The following ARHGAP5 variants were observed in gnomAD, a reference collection of about 807,000 sequenced individuals.
ARHGAP5 encodes the protein Rho GTPase activating protein 5, also known as rho GTPase-activating protein 5.
A neutral mutation model predicts 116.6 loss-of-function variants in ARHGAP5; 23 were observed. That is an observed-to-expected ratio of 0.20 (90% CI 0.14 to 0.28). ARHGAP5 has a LOEUF of 0.28. Among genes scored for constraint, ARHGAP5 ranks in the 10% least tolerant of loss-of-function variants. The probability of loss-of-function intolerance (pLI) is 1.00; values close to 1 mark genes in which losing one functional copy is unlikely to be tolerated. For synonymous variants in ARHGAP5, 574 were observed against 602.0 expected (o/e 0.95, Z 0.68); for missense variants, 1,405 against 1,774.8 (o/e 0.79, Z 3.74).
rs45470092 is a variant in ARHGAP5, at chr14:32,117,385, C to T, written c.3865+98C>T. On this transcript the variant is annotated intron_variant, in intron 3 of 6. Coordinates refer to ENST00000345122, the MANE Select transcript of ARHGAP5 (RefSeq NM_001030055.2). ...GTTTGTGATTTGTTAATATAGTTCT[C>T]ATTATTAGGATTATTTAGTATTAAC... 7.0e-6 allele frequency: 8 copies of T among 1,138,870 alleles called. No homozygotes were observed. In the East Asian group the frequency reaches 1.7e-4, roughly 25 times the overall value. 70.5% of individuals were successfully genotyped at this position (1,138,870 alleles called of 1,614,324 possible). A position where few individuals can be genotyped will look rare whatever the true frequency, so the allele number is the denominator to read the frequency against.
Position 32,154,938 on chromosome 14 carries a change from G to A in ARHGAP5, c.4499G>A (p.Gly1500Asp). 6.2e-7 allele frequency: 1 copy of A among 1,612,728 alleles called. No homozygotes were observed. Residue 1500 changes from glycine (G) to aspartate (D), a missense_variant, in exon 7 of 7, where the codon GGT (glycine) becomes GAT (aspartate). Transcript: ENST00000345122. ...CCACAATTACAAACGGATCCTCTTG[G>A]TATTATATGAGTAGGAAGTGATTGC... The part of the protein sequence containing the change: ...IQPQLQTDPL[G>D]II
chr14:32,085,569 T>G (rs959463841), intron 1 of ARHGAP5, among the ~76,000 whole-genome samples: 3 of 152,236 alleles, frequency 2.0e-5, no homozygotes, highest in African/African-American at 7.2e-5. Context: ...GTTGTTTTTT[T>G]ATTCTTCAGC....
At chr14:32,082,625 C>T (rs534928371) in intron 1 of ARHGAP5, among the ~76,000 whole-genome samples, 11 of 152,126 alleles carry the variant, frequency 7.2e-5, no homozygotes, top group South Asian at 2.1e-4. Flanking sequence ...CACTGCAGTC[C>T]GCCTCCTGGG....
At chr14:32,082,515 CTT>C (rs779965265) in intron 1 of ARHGAP5, among the ~76,000 whole-genome samples, 77 of 152,072 alleles carry the variant, frequency 5.1e-4, no homozygotes, top group Non-Finnish European at 9.0e-4. Context: ...ACCAAGCTCT[CTT>C]TGTCTTGCAT....
intron 3 of ARHGAP5, among the ~76,000 whole-genome samples, chr14:32,131,000 A>G (rs1880456033): frequency 6.6e-6 from 1 of 152,228 alleles, no homozygotes; most frequent in African/African-American, 2.4e-5. Flanking sequence ...TGTGAAATTC[A>G]GTTAAAAACG....
At chr14:32,098,222 C>T (rs1298865215) in intron 2 of ARHGAP5, among the ~76,000 whole-genome samples, 1 of 152,154 alleles carries the variant, frequency 6.6e-6, no homozygotes, top group East Asian at 1.9e-4. Context: ...TAATATAAAA[C>T]TTCAAGACAG....
rs111788434 is a variant in ARHGAP5 at position 32,124,252 on chromosome 14, G to A, written c.3865+6965G>A. On this transcript the variant is annotated intron_variant, in intron 3 of 6. Coordinates refer to ENST00000345122, the MANE Select transcript of ARHGAP5 (RefSeq NM_001030055.2). ...ATCATGGTTTTGAACTGTGATTAAT[G>A]TTCATGTTCAGTGATCAGTGTTCAG... Among the ~76,000 whole-genome samples the A allele has an allele frequency of 3.0e-3, 458 of 152,184 alleles. 1 individual carries two copies. Among genetic ancestry groups the A allele is most frequent in the African/African-American group, 9.6e-3 (400 of 41,494 alleles).
Position 32,092,128 on chromosome 14 carries a change from A to G in ARHGAP5, c.1459A>G (p.Lys487Glu). 1 of 1,613,878 alleles carries G rather than the reference A, an allele frequency of 6.2e-7. No homozygotes were observed. The highest frequency in any genetic ancestry group is 8.5e-7 in the Non-Finnish European group (1 of 1,179,806). The stretch of plus-strand genomic sequence containing the variant: ...TCAGCGAGAAATAGTTGAAAAAGCC[A>G]AAGAAGAGTTTCAAGAAATGCTTTT... ...RHQREIVEKA[K>E]EEFQEMLFEH... is the part of the protein sequence containing the mutation. Residue 487 changes from lysine (K) to glutamate (E), a missense_variant, in exon 2 of 7, where the codon AAA (lysine) becomes GAA (glutamate). Lys to Glu is a moderately conservative substitution (Grantham distance 56, BLOSUM62 1). This residue lies in a region of ARHGAP5 where 944 missense variants were observed against 1,095.3 expected (regional missense o/e 0.86). Coordinates refer to ENST00000345122, the MANE Select transcript of ARHGAP5 (RefSeq NM_001030055.2). This position sits in a 1 kb window ranked among gnomAD's most constrained non-coding sequence, Gnocchi z 4.1.
At chr14:32,145,976 C>T (rs977542170) in intron 3 of ARHGAP5, among the ~76,000 whole-genome samples, 2 of 151,896 alleles carry the variant, frequency 1.3e-5, no homozygotes, top group African/African-American at 4.8e-5. Flanking sequence ...GAGACAGGGT[C>T]TTGCTCTGTT....
At chr14:32,126,356 T>A (rs1049139374) in intron 3 of ARHGAP5, among the ~76,000 whole-genome samples, 1 of 152,208 alleles carries the variant, frequency 6.6e-6, no homozygotes, top group African/African-American at 2.4e-5. Flanking sequence ...TTCTTGCTTC[T>A]GGTGGTGGCT....
At chr14:32,097,136 T>TA (rs1246531602) in intron 2 of ARHGAP5, among the ~76,000 whole-genome samples, 6 of 152,172 alleles carry the variant, frequency 3.9e-5, no homozygotes, top group Non-Finnish European at 8.8e-5. Context: ...CTAAGGTTGT[T>TA]AAAAAATACC....
At chr14:32,141,265 T>C (rs1881111636) in intron 3 of ARHGAP5, among the ~76,000 whole-genome samples, 1 of 152,212 alleles carries the variant, frequency 6.6e-6, no homozygotes, top group Admixed American at 6.5e-5. Context: ...TTATCCATTC[T>C]ACTAATCTCT....
chr14:32,108,100 A>G (rs977963044), intron 2 of ARHGAP5, among the ~76,000 whole-genome samples: 1 of 152,196 alleles, frequency 6.6e-6, no homozygotes, highest in Non-Finnish European at 1.5e-5. Flanking sequence ...TTTCTTATTC[A>G]TTTGATAGTA....
At chr14:32,102,413 C>T (rs1042397343) in intron 2 of ARHGAP5, among the ~76,000 whole-genome samples, 8 of 152,140 alleles carry the variant, frequency 5.3e-5, no homozygotes, top group Non-Finnish European at 1.0e-4. Context: ...AGACACCATC[C>T]CTACAAAAAT....
At chr14:32,128,569 A>T (rs1333104209) in intron 3 of ARHGAP5, among the ~76,000 whole-genome samples, 1 of 152,134 alleles carries the variant, frequency 6.6e-6, no homozygotes, top group Non-Finnish European at 1.5e-5. Context: ...CGTGGGCAGG[A>T]TCTTGGCATT....
intron 3 of ARHGAP5, among the ~76,000 whole-genome samples, chr14:32,143,242 A>G (rs11272854): frequency 0.54 from 60,316 of 111,386 alleles, 13,032 homozygotes; most frequent in Middle Eastern, 0.7. Context: ...TGTTGTTGTT[A>G]TTATTATTAT....
At chr14:32,112,084 T>C (rs1477929001) in intron 2 of ARHGAP5, among the ~76,000 whole-genome samples, 1 of 152,168 alleles carries the variant, frequency 6.6e-6, no homozygotes, top group South Asian at 2.1e-4. Context: ...CCCAAAGTTC[T>C]GGGATTACAG....
intron 3 of ARHGAP5, among the ~76,000 whole-genome samples, chr14:32,131,707 TA>T (rs1292069059): frequency 6.6e-6 from 1 of 152,228 alleles, no homozygotes; most frequent in African/African-American, 2.4e-5. Context: ...TAGCATCAGG[TA>T]TATCTCCTAA....
intron 1 of ARHGAP5, among the ~76,000 whole-genome samples, chr14:32,080,540 G>T (rs1221311451): frequency 6.6e-6 from 1 of 151,684 alleles, no homozygotes; most frequent in African/African-American, 2.4e-5. Context: ...CATTAGTTCA[G>T]ATTACTTTTA....
Sources: allele counts gnomAD v4.1 joint callset (sites outside exome capture counted in the v4.1 genomes callset), GRCh38; gene constraint gnomAD v4.1.1; regional missense constraint gnomAD v4.1.1; non-coding constraint Gnocchi (gnomAD v3.1); transcripts MANE v1.5; gene names NCBI Gene and HGNC (gene_info 2026-07-23, HGNC 2026-07-21).